MAPK12: variants seen among roughly 807,000 people sequenced by gnomAD.
MAPK12 encodes MAP kinase 12.
A neutral mutation model predicts 49.1 loss-of-function variants in MAPK12; 49 were observed. The observed-to-expected ratio is 1.00, with a 90% confidence interval of 0.79 to 1.27. The LOEUF is 1.27. Ranked by LOEUF, MAPK12 falls within the 50% of genes most tolerant of loss-of-function variation. The probability of loss-of-function intolerance (pLI) is 0.00; values close to 1 mark genes in which losing one functional copy is unlikely to be tolerated. For synonymous variants in MAPK12, 251 were observed against 209.7 expected, an observed-to-expected ratio of 1.20 and a Z score of -1.70; for missense variants, 554 against 502.4, an observed-to-expected ratio of 1.10 and a Z score of -0.98.
intron 11 of MAPK12, chr22:50,254,495 AC>A (rs1213816710): frequency 4.8e-6 from 1 of 208,102 alleles, no homozygotes; most frequent in African/African-American, 2.4e-5. Context: ...TACTAAAAAT[AC>A]AAAAAATTAG....
At chr22:50,257,379 A>G (rs2065161466) in intron 3 of MAPK12, among the ~76,000 whole-genome samples, 186 bp from the exon 4 acceptor site, 1 of 152,074 alleles carries the variant, frequency 6.6e-6, no homozygotes, top group African/African-American at 2.4e-5. Context: ...GCCAGGCTCC[A>G]TCCTCCCGCA....
chr22:50,257,977 A>G (rs1325449199), intron 3 of MAPK12: 2 of 757,742 alleles, frequency 2.6e-6, no homozygotes, highest in Non-Finnish European at 4.9e-6. Context: ...CAAGGTTCAC[A>G]CCTCCGGTGC....
Position 50,255,361 on chromosome 22 carries a change from A to G in MAPK12, c.860T>C (p.Leu287Pro). ...LTNASPLAVN[L>P]LEKMLVLDAE... ...GTCCAGCACCAGCATCTTCTCCAGG[A>G]GGTTCACAGCTGCGGGGGAAGGTGC... is the stretch of plus-strand genomic sequence containing the variant. The change falls in exon 11 of 12, where the codon CTC becomes CCC. Residue 287 changes from leucine (L) to proline (P), a missense_variant. By Grantham distance (98) the Leu-to-Pro change is moderately conservative. Coordinates refer to ENST00000215659, the MANE Select transcript of MAPK12 (RefSeq NM_002969.6). 1 of 1,613,190 alleles carries G rather than the reference A, an allele frequency of 6.2e-7. No individual in the cohort carries two copies. The highest frequency in any genetic ancestry group is 1.1e-5 in the South Asian group (1 of 91,072).
chr22:50,257,996 GC>G (rs1440975425), intron 3 of MAPK12: 56 of 745,352 alleles, frequency 7.5e-5, no homozygotes, highest in Non-Finnish European at 1.3e-4. Flanking sequence ...GCTGGAGAGG[GC>G]CCAGGTGCCA....
chr22:50,254,805 G>T (rs2147254655), intron 11 of MAPK12: 1 of 1,154,446 alleles, frequency 8.7e-7, no homozygotes, highest in East Asian at 6.1e-5. Context: ...GGGCCAGGAG[G>T]GGCTAAGTGG....
chr22:50,258,362 G>A (rs1245859510), intron 2 of MAPK12, 61 bp from the exon 3 acceptor site: 1 of 1,410,984 alleles, frequency 7.1e-7, no homozygotes, highest in Non-Finnish European at 1.0e-6. Flanking sequence ...CACCCCCCAA[G>A]AGTGGCACAA....
At chr22:50,260,150 G>T (rs1031814360) in intron 2 of MAPK12, among the ~76,000 whole-genome samples, 1 of 152,116 alleles carries the variant, frequency 6.6e-6, no homozygotes, top group Admixed American at 6.5e-5. Flanking sequence ...CTGGGGGTCA[G>T]GGTGGGCATG....
intron 2 of MAPK12, among the ~76,000 whole-genome samples, chr22:50,259,125 G>A (rs894472934): frequency 6.6e-6 from 1 of 152,220 alleles, no homozygotes; most frequent in East Asian, 1.9e-4. Context: ...CCTGGCCGTG[G>A]TGTAGGAACC....
intron 2 of MAPK12, among the ~76,000 whole-genome samples, chr22:50,260,461 A>G (rs1229890673): frequency 6.6e-6 from 1 of 152,076 alleles, no homozygotes. Context: ...CACCCCTGGC[A>G]GAGAGATCGG....
chr22:50,256,163 C>CACTG lies in MAPK12; in HGVS notation c.537_540dup (p.Glu181GlnfsTer2). On this transcript the variant is annotated frameshift_variant, in exon 7 of 12. Transcript: ENST00000215659. LOFTEE classifies it high-confidence loss of function. ...CGGGTCACCACGTACCCAGTCATCT[C>CACTG]ACTGTCTGCCTGCCTGGCCAGGCCG... is the stretch of plus-strand genomic sequence containing the variant. 1 of 1,612,806 alleles carries CACTG rather than the reference C, an allele frequency of 6.2e-7. No homozygotes were observed. The highest frequency in any genetic ancestry group is 1.7e-4 in the Middle Eastern group (1 of 6,056).
chr22:50,254,065 G>A (rs1375558087), intron 11 of MAPK12: 1 of 155,270 alleles, frequency 6.4e-6, no homozygotes, highest in Admixed American at 6.3e-5. Flanking sequence ...TGGTCATGCA[G>A]CCATGAAGAA....
At chr22:50,260,556 C>T (rs1431563214) in intron 2 of MAPK12, among the ~76,000 whole-genome samples, 1 of 152,132 alleles carries the variant, frequency 6.6e-6, no homozygotes, top group Non-Finnish European at 1.5e-5. Context: ...AAGGATGGGC[C>T]CCCACAACGC....
intron 11 of MAPK12, chr22:50,254,253 G>A (rs2065125867): frequency 6.5e-6 from 1 of 152,718 alleles, no homozygotes; most frequent in South Asian, 2.1e-4. Context: ...GACCCCAGCA[G>A]TTGGGGTTGG....
intron 3 of MAPK12, among the ~76,000 whole-genome samples, 189 bp from the exon 4 acceptor site, chr22:50,257,382 C>A (rs566050562): frequency 2.6e-5 from 4 of 152,226 alleles, no homozygotes; most frequent in African/African-American, 4.8e-5. Flanking sequence ...AGGCTCCATC[C>A]TCCCGCAACT....
intron 2 of MAPK12, among the ~76,000 whole-genome samples, chr22:50,258,969 AGGCCAGGTGGCGGAG>A (rs1569143642): frequency 1.3e-5 from 2 of 152,102 alleles, no homozygotes; most frequent in Non-Finnish European, 2.9e-5. Flanking sequence ...ACAGGGAGGG[AGGCCAGGTGGCGGAG>A]GCCCAGGCCA....
chr22:50,255,558 C>G, intron 9 of MAPK12, 27 bp from the exon 10 acceptor site: 1 of 1,613,052 alleles, frequency 6.2e-7, no homozygotes, highest in Non-Finnish European at 8.5e-7. Flanking sequence ...GGTGAGGGGC[C>G]AACACCAAGG....
At chr22:50,260,064 G>A in intron 2 of MAPK12, among the ~76,000 whole-genome samples, 1 of 151,104 alleles carries the variant, frequency 6.6e-6, no homozygotes, top group Non-Finnish European at 1.5e-5. Context: ...GGCAGGGCTG[G>A]GTGTGACGGG....
chr22:50,258,379 G>A, intron 2 of MAPK12, 78 bp from the exon 3 acceptor site: 2 of 1,248,804 alleles, frequency 1.6e-6, no homozygotes, highest in Non-Finnish European at 2.4e-6. Flanking sequence ...ACAACCCTCT[G>A]GGCAGGAAAC....
chr22:50,254,686 A>G (rs1260577471), intron 11 of MAPK12: 7 of 1,033,084 alleles, frequency 6.8e-6, no homozygotes, highest in Non-Finnish European at 5.8e-6. Flanking sequence ...AGGCAAGGAC[A>G]GATTCAGGAG....
Sources: allele counts gnomAD v4.1 joint callset (sites outside exome capture counted in the v4.1 genomes callset), GRCh38; gene constraint gnomAD v4.1.1; transcripts MANE v1.5; gene names NCBI Gene and HGNC (gene_info 2026-07-23, HGNC 2026-07-21).